Variants in INPP5D observed in about 807,000 individuals in gnomAD.
INPP5D encodes inositol polyphosphate-5-phosphatase D.
Under a neutral mutation model 122.9 loss-of-function variants are expected in INPP5D, and 33 were observed. The ratio of observed to expected loss-of-function variants is 0.27; its 90% CI spans 0.20 to 0.36. The LOEUF (loss-of-function observed/expected upper bound fraction) is 0.36, where lower values mean the gene tolerates loss of function less well. Among genes scored for constraint, INPP5D ranks in the 10% least tolerant of loss-of-function variants. The pLI is 1.00. For missense variants in INPP5D, 1,053 were observed against 1,412.7 expected, an observed-to-expected ratio of 0.75 and a Z score of 4.08; for synonymous variants, 584 against 576.2, an observed-to-expected ratio of 1.01 and a Z score of -0.19.
intron 2 of INPP5D, among the ~76,000 whole-genome samples, chr2:233,095,572 G>A (rs1305217567): frequency 1.4e-5 from 2 of 143,142 alleles, no homozygotes; most frequent in Non-Finnish European, 3.0e-5. Flanking sequence ...GCAGTGAACC[G>A]AGCCACTGGA....
At chr2:233,074,751 G>A (rs900386881) in intron 1 of INPP5D, among the ~76,000 whole-genome samples, 5 of 151,966 alleles carry the variant, frequency 3.3e-5, no homozygotes, top group Non-Finnish European at 7.4e-5. Flanking sequence ...GAAATGATAC[G>A]TAACAAGAGT....
At chr2:233,068,334 C>T (rs963836073) in intron 1 of INPP5D, among the ~76,000 whole-genome samples, 1 of 150,534 alleles carries the variant, frequency 6.6e-6, no homozygotes, top group African/African-American at 2.5e-5. Context: ...GTGGCTCACA[C>T]CTGTAATCCC....
Position 233,130,869 on chromosome 2 carries a change from T to G in INPP5D, c.665+221T>G, listed in dbSNP as rs150314669. ...TGTGTGTGCTGCAGCTTTTTACAAC[T>G]AAAGTTAATTGGAGGCCAGTTGCTC... is the stretch of plus-strand genomic sequence containing the variant. On this transcript the variant is annotated intron_variant, in intron 5 of 26. Coordinates refer to ENST00000445964, the MANE Select transcript of INPP5D (RefSeq NM_001017915.3). 1.6e-4 allele frequency: 110 copies of G among 692,070 alleles called. No individual in the cohort carries two copies. The African/African-American group carries it at 1.6e-3, about 10-fold the overall frequency. The allele number at this position is 692,070 out of a possible 1,614,324, so 42.9% of individuals were successfully genotyped here.
chr2:233,178,853 T>G (rs1002605601), intron 18 of INPP5D, among the ~76,000 whole-genome samples: 2 of 152,154 alleles, frequency 1.3e-5, no homozygotes, highest in African/African-American at 4.8e-5. Flanking sequence ...ACCCCAGTCC[T>G]TGGAGCAAGG....
intron 25 of INPP5D, among the ~76,000 whole-genome samples, chr2:233,202,403 T>C (rs1257516797): frequency 6.6e-6 from 1 of 152,114 alleles, no homozygotes; most frequent in Non-Finnish European, 1.5e-5. Flanking sequence ...TCTAAGGTGT[T>C]TCCAAAAATT....
rs576993889 is a variant in INPP5D, at chr2:233,153,310, G to A, written c.1031-5003G>A. ...CATTTGGTTAGCAGTGGTAGAAATC[G>A]GACTGTGGGATGCTTACTGAGGTGC... On this transcript the variant is annotated intron_variant, in intron 9 of 26. Coordinates refer to ENST00000445964, the MANE Select transcript of INPP5D (RefSeq NM_001017915.3). 1.8e-4 allele frequency among the ~76,000 whole-genome samples: 27 copies of A among 152,298 alleles called. 1 individual carries two copies. Among genetic ancestry groups the A allele is most frequent in the South Asian group, 6.2e-4 (3 of 4,816 alleles).
At chr2:233,173,820 C>G (rs1460279129) in intron 17 of INPP5D, among the ~76,000 whole-genome samples, 2 of 152,060 alleles carry the variant, frequency 1.3e-5, no homozygotes, top group African/African-American at 4.8e-5. Flanking sequence ...GTAATCCCAG[C>G]TACTTGGGAG....
At chr2:233,195,322 G>T in intron 23 of INPP5D, 77 bp from the exon 24 acceptor site, 1 of 1,607,308 alleles carries the variant, frequency 6.2e-7, no homozygotes, top group Non-Finnish European at 8.5e-7. Flanking sequence ...CCTGCAAATG[G>T]AAACCCCTTT....
chr2:233,064,287 G>A (rs1691152240), intron 1 of INPP5D, among the ~76,000 whole-genome samples: 1 of 152,240 alleles, frequency 6.6e-6, no homozygotes, highest in Admixed American at 6.5e-5. Context: ...GCTGCCTTTG[G>A]CTCAGAACCC....
intron 4 of INPP5D, among the ~76,000 whole-genome samples, chr2:233,127,153 G>A (rs993120757): frequency 6.6e-6 from 1 of 152,218 alleles, no homozygotes; most frequent in East Asian, 1.9e-4. Context: ...GACCAGCAGG[G>A]GCGTGAAGCC....
intron 6 of INPP5D, among the ~76,000 whole-genome samples, chr2:233,145,749 T>C (rs1418844042): frequency 6.6e-6 from 1 of 151,994 alleles, no homozygotes; most frequent in Non-Finnish European, 1.5e-5. Flanking sequence ...GGGGTCGGGA[T>C]CATTTTCTCC....
chr2:233,161,475 G>C (rs563440039), intron 10 of INPP5D, among the ~76,000 whole-genome samples: 1 of 152,294 alleles, frequency 6.6e-6, no homozygotes, highest in East Asian at 1.9e-4. Context: ...CTGTGCTGCA[G>C]AGCCGTGACA....
intron 5 of INPP5D, among the ~76,000 whole-genome samples, chr2:233,133,098 A>G (rs1222685547): frequency 6.6e-6 from 1 of 151,296 alleles, no homozygotes; most frequent in Non-Finnish European, 1.5e-5. Flanking sequence ...ATACCCAGCT[A>G]ATTGTTATAT....
chr2:233,064,329 G>C (rs1008149837), intron 1 of INPP5D, among the ~76,000 whole-genome samples: 2 of 152,236 alleles, frequency 1.3e-5, no homozygotes, highest in Admixed American at 1.3e-4. Flanking sequence ...TGACAGTGTG[G>C]TTTTGGTTTC....
chr2:233,129,171 A>C (rs1693249497), intron 4 of INPP5D, among the ~76,000 whole-genome samples: 1 of 152,014 alleles, frequency 6.6e-6, no homozygotes, highest in Non-Finnish European at 1.5e-5. Context: ...GTCTCAAAAA[A>C]ATAAATAAAT....
chr2:233,147,909 C>T (rs552624137), intron 9 of INPP5D, among the ~76,000 whole-genome samples: 2 of 152,384 alleles, frequency 1.3e-5, no homozygotes, highest in South Asian at 4.1e-4. Context: ...CCTAAATTCA[C>T]GTCCCAGCTC....
intron 2 of INPP5D, among the ~76,000 whole-genome samples, chr2:233,110,291 A>G (rs1226227309): frequency 6.6e-6 from 1 of 151,834 alleles, no homozygotes; most frequent in African/African-American, 2.4e-5. Context: ...CTGGCCTCAA[A>G]TGATTCACTG....
chr2:233,066,940 G>A (rs573438520), intron 1 of INPP5D, among the ~76,000 whole-genome samples: 5 of 152,242 alleles, frequency 3.3e-5, no homozygotes, highest in Admixed American at 3.3e-4. Context: ...ATCACACCCA[G>A]CTAATTTTTG....
intron 25 of INPP5D, among the ~76,000 whole-genome samples, chr2:233,200,274 C>G (rs553941790): frequency 6.6e-6 from 1 of 152,222 alleles, no homozygotes; most frequent in African/African-American, 2.4e-5. Context: ...ATGGGTACCT[C>G]GTGGATACAC....
Sources: gnomAD v4.1 joint callset for allele counts (sites outside exome capture counted in the v4.1 genomes callset) on GRCh38, gnomAD v4.1.1 for gene constraint, MANE v1.5 for transcripts, NCBI Gene and HGNC (gene_info 2026-07-23, HGNC 2026-07-21) for gene names.